MALRD1: variants seen among roughly 807,000 people sequenced by gnomAD.
The protein encoded by MALRD1 is MAM and LDL-receptor class A domain-containing protein 1.
A neutral mutation model predicts 242.1 loss-of-function variants in MALRD1; 247 were observed. That is an observed-to-expected ratio of 1.02 (90% confidence interval 0.92 to 1.13). The LOEUF is 1.13. Ranked by LOEUF, MALRD1 falls within the 50% of genes most tolerant of loss-of-function variation. The probability of loss-of-function intolerance (pLI) is 0.00; values close to 1 mark genes in which losing one functional copy is unlikely to be tolerated. For synonymous variants in MALRD1, 995 were observed against 866.6 expected (o/e 1.15, Z -2.60); for missense variants, 2,989 against 2,533.1 (o/e 1.18, Z -3.86).
Position 19,362,191 on chromosome 10 carries a change from C to T in MALRD1, c.4441+9894C>T, listed in dbSNP as rs138467019. ...TTCTTTTTATAAACTCTCTGGTTAT[C>T]AACTTCAGTGTATCCAATTTACTCC... On this transcript the variant is annotated intron_variant, in intron 26 of 39. Transcript: ENST00000454679. 2.3e-3 allele frequency among the ~76,000 whole-genome samples: 353 copies of T among 152,216 alleles called. 1 individual carries two copies. The highest frequency in any genetic ancestry group is 8.1e-3 in the African/African-American group (337 of 41,556).
At chr10:19,339,940 T>C (rs953015558) in intron 24 of MALRD1, among the ~76,000 whole-genome samples, 1 of 152,054 alleles carries the variant, frequency 6.6e-6, no homozygotes, top group Non-Finnish European at 1.5e-5. Context: ...GCAAGGAATG[T>C]CTTCCATGGA....
At chr10:19,319,616 GGA>G (rs1361898775) in intron 21 of MALRD1, among the ~76,000 whole-genome samples, 1 of 152,020 alleles carries the variant, frequency 6.6e-6, no homozygotes, top group African/African-American at 2.4e-5. Flanking sequence ...CTGGAGGCTT[GGA>G]TCATGGTGCT....
intron 1 of MALRD1, among the ~76,000 whole-genome samples, chr10:19,065,827 G>C (rs1224611326): frequency 1.3e-5 from 2 of 152,242 alleles, no homozygotes; most frequent in African/African-American, 2.4e-5. Context: ...CAGATTCAAT[G>C]ATGAGGCGCT....
chr10:19,283,183 T>G lies in MALRD1; in HGVS notation c.3419+2T>G. ...CAGGCCATCAGTGGATCATACACAG[T>G]AAGTGACCATGTATTTTGAATATCT... On this transcript the variant is annotated splice_donor_variant, in intron 21 of 39. Coordinates refer to ENST00000454679, the MANE Select transcript of MALRD1 (RefSeq NM_001142308.3). LOFTEE classifies it high-confidence loss of function. The G allele has an allele frequency of 6.6e-7, 1 of 1,525,512 alleles. No individual in the cohort carries two copies. Among genetic ancestry groups the G allele is most frequent in the Non-Finnish European group, 8.8e-7 (1 of 1,134,414 alleles). 94.5% of individuals were successfully genotyped at this position (1,525,512 alleles called of 1,614,324 possible).
At chr10:19,513,810 T>C (rs1348350854) in intron 31 of MALRD1, among the ~76,000 whole-genome samples, 1 of 152,118 alleles carries the variant, frequency 6.6e-6, no homozygotes, top group Non-Finnish European at 1.5e-5. Flanking sequence ...ACTAACACAG[T>C]ATCTTAACAA....
At chr10:19,588,183 T>C (rs1336729316) in intron 33 of MALRD1, among the ~76,000 whole-genome samples, 1 of 152,182 alleles carries the variant, frequency 6.6e-6, no homozygotes, top group African/African-American at 2.4e-5. Context: ...ATTTCTATAT[T>C]GTTGATCTAT....
At chr10:19,161,550 C>CAAAAAAAAA in intron 12 of MALRD1, among the ~76,000 whole-genome samples, 9 of 60,832 alleles carry the variant, frequency 1.5e-4, no homozygotes, top group East Asian at 5.4e-4. Context: ...AAAAAAAAAG[C>CAAAAAAAAA]AAAAAAAAAA....
At chr10:19,310,316 T>C (rs1367303781) in intron 21 of MALRD1, among the ~76,000 whole-genome samples, 1 of 151,504 alleles carries the variant, frequency 6.6e-6, no homozygotes, top group East Asian at 1.9e-4. Context: ...ATCTTCTGAG[T>C]AAGTGATGAA....
chr10:19,522,090 A>C (rs940463011), intron 31 of MALRD1, among the ~76,000 whole-genome samples: 2 of 151,320 alleles, frequency 1.3e-5, no homozygotes, highest in African/African-American at 4.9e-5. Flanking sequence ...CGCAAGATTA[A>C]TATTTATAAT....
At chr10:19,421,992 A>C (rs1174436274) in intron 28 of MALRD1, among the ~76,000 whole-genome samples, 2 of 152,254 alleles carry the variant, frequency 1.3e-5, no homozygotes, top group Non-Finnish European at 2.9e-5. Flanking sequence ...ATTAAAACAC[A>C]ACAAAGAATA....
intron 19 of MALRD1, among the ~76,000 whole-genome samples, chr10:19,272,201 GA>G (rs1312429583): frequency 4.6e-5 from 7 of 151,700 alleles, no homozygotes; most frequent in African/African-American, 1.5e-4. Flanking sequence ...GAATATTAGA[GA>G]AAAAAATTAG....
intron 14 of MALRD1, among the ~76,000 whole-genome samples, chr10:19,180,365 C>A (rs1220170013): frequency 1.3e-5 from 2 of 152,204 alleles, no homozygotes; most frequent in Non-Finnish European, 2.9e-5. Context: ...AAAGTGTGAT[C>A]ATTTCCCTCG....
intron 36 of MALRD1, among the ~76,000 whole-genome samples, chr10:19,642,635 A>G (rs1018623883): frequency 4.6e-5 from 7 of 152,220 alleles, no homozygotes; most frequent in Admixed American, 4.6e-4. Flanking sequence ...AACAAATTAG[A>G]AAGATCTGAA....
At chr10:19,376,542 CTTTTTTTT>C (rs57836152) in intron 26 of MALRD1, among the ~76,000 whole-genome samples, 5,192 of 94,996 alleles carry the variant, frequency 0.055, 248 homozygotes, top group African/African-American at 0.12. Context: ...TTGATACATT[CTTTTTTTT>C]TTTTTTTTTT....
intron 2 of MALRD1, among the ~76,000 whole-genome samples, chr10:19,073,160 C>T (rs1032598893): frequency 6.6e-6 from 1 of 152,060 alleles, no homozygotes; most frequent in African/African-American, 2.4e-5. Flanking sequence ...AGTGATCTGC[C>T]CACCTTGGCC....
chr10:19,133,904 G>A lies in MALRD1; in HGVS notation c.1159G>A (p.Val387Met), dbSNP rs74120730. 2 of 1,230,946 alleles carry A rather than the reference G, an allele frequency of 1.6e-6. No homozygotes were observed. Among genetic ancestry groups the A allele is most frequent in the Non-Finnish European group, 2.0e-6 (2 of 987,508 alleles). The allele number at this position is 1,230,946 out of a possible 1,614,324, so 76.3% of individuals were successfully genotyped here. A position where few individuals can be genotyped will look rare whatever the true frequency, so the allele number is the denominator to read the frequency against. ...TYNISTHSQW[V>M]KADVLIPEDL... ...CAACATATCAACTCACAGCCAATGGGTGAAAGCAGATGTGTTAATACCAGA... is the reference window on the plus strand; with the variant it reads ...CAACATATCAACTCACAGCCAATGGATGAAAGCAGATGTGTTAATACCAGA... The change falls in exon 9 of 40, where the codon GTG (valine) becomes ATG (methionine). Residue 387 changes from valine (V) to methionine (M), a missense_variant. Val to Met is a conservative substitution (Grantham distance 21). Transcript: ENST00000454679.
chr10:19,170,987 A>G (rs935352903), intron 13 of MALRD1, among the ~76,000 whole-genome samples: 3 of 151,440 alleles, frequency 2.0e-5, no homozygotes, highest in African/African-American at 7.3e-5. Context: ...CTATATCTCT[A>G]TTTTCTCTTG....
At chr10:19,486,529 C>A (rs12763736) in intron 29 of MALRD1, among the ~76,000 whole-genome samples, 13 of 152,084 alleles carry the variant, frequency 8.5e-5, no homozygotes, top group South Asian at 2.1e-4. Flanking sequence ...TCAGTTGATT[C>A]CAAAGCTGAA....
intron 18 of MALRD1, among the ~76,000 whole-genome samples, chr10:19,213,468 G>A (rs116508944): frequency 0.13 from 19,720 of 152,150 alleles, 1,373 homozygotes; most frequent in Middle Eastern, 0.2. Context: ...TCCTGACTTC[G>A]TGATCCACCT....
Sources: allele counts gnomAD v4.1 joint callset (sites outside exome capture counted in the v4.1 genomes callset), GRCh38; gene constraint gnomAD v4.1.1; transcripts MANE v1.5; gene names NCBI Gene and HGNC (gene_info 2026-07-23, HGNC 2026-07-21).